Variants in CELF2 observed in about 807,000 individuals in gnomAD.
CELF2 encodes the protein CUGBP Elav-like family member 2.
CELF2 carries 8 observed loss-of-function variants against 62.6 expected under a neutral mutation model. The observed-to-expected ratio is 0.13, with a 90% CI of 0.07 to 0.23. CELF2 has a LOEUF of 0.23. Among genes scored for constraint, CELF2 ranks in the 10% least tolerant of loss-of-function variants. CELF2 has a pLI of 1.00. For missense variants in CELF2, 333 were observed against 671.0 expected, an observed-to-expected ratio of 0.50 and a Z score of 5.56; for synonymous variants, 258 against 250.0, an observed-to-expected ratio of 1.03 and a Z score of -0.30.
At chr10:11,129,647 T>C (rs1442696494) in intron 1 of CELF2, among the ~76,000 whole-genome samples, 1 of 152,212 alleles carries the variant, frequency 6.6e-6, no homozygotes, top group East Asian at 1.9e-4. Context: ...TCTTCTAGAT[T>C]TTCTAGTTTG....
At chr10:10,907,016 C>T (rs986169972) in intron 1 of CELF2, among the ~76,000 whole-genome samples, 2 of 152,120 alleles carry the variant, frequency 1.3e-5, no homozygotes, top group Non-Finnish European at 2.9e-5. Context: ...GAGAACGTAC[C>T]TTTCTAACAT....
chr10:10,697,898 T>C, the CELF2 span, among the ~76,000 whole-genome samples: 1 of 152,176 alleles, frequency 6.6e-6, no homozygotes, highest in South Asian at 2.1e-4. Context: ...CTTCAAGGAA[T>C]TCTCCCACTT....
the CELF2 span, among the ~76,000 whole-genome samples, chr10:10,624,886 T>C: frequency 7.9e-5 from 12 of 152,222 alleles, no homozygotes; most frequent in South Asian, 4.1e-4. Flanking sequence ...AAGAGGCAGA[T>C]GGCAGGAGGA....
chr10:10,509,649 C>A, the CELF2 span, among the ~76,000 whole-genome samples: 1 of 152,304 alleles, frequency 6.6e-6, no homozygotes, highest in East Asian at 1.9e-4. Flanking sequence ...TCCCAGCCTG[C>A]CCCAGGAAGA....
chr10:11,242,915 G>A lies in CELF2; in HGVS notation c.355-6238G>A, dbSNP rs2074406810. ...CCACCAACAGATGGCTCCTACCAGGGCGACAGGGACGGAGGCGCCGGTGGC... is the reference window on the plus strand; with the variant it reads ...CCACCAACAGATGGCTCCTACCAGGACGACAGGGACGGAGGCGCCGGTGGC... On this transcript the variant is annotated intron_variant, in intron 3 of 12. Transcript: ENST00000633077. The surrounding 1 kb of genome is among the most constrained non-coding windows in gnomAD (Gnocchi z 4.8). Among the ~76,000 whole-genome samples, 1 of 152,208 alleles carries A rather than the reference G, an allele frequency of 6.6e-6. No homozygotes were observed. Among genetic ancestry groups the A allele is most frequent in the Admixed American group, 6.5e-5 (1 of 15,280 alleles).
At position 11,329,441 on chromosome 10, in the gene CELF2, T is replaced by C. The variant is rs1332248067; in HGVS notation, c.*388T>C. The C allele has an allele frequency of 6.5e-6, 1 of 153,256 alleles. No homozygotes were observed. The highest frequency in any genetic ancestry group is 1.5e-5 in the Non-Finnish European group (1 of 68,442). 9.5% of individuals were successfully genotyped at this position (153,256 alleles called of 1,614,324 possible). A position where few individuals can be genotyped will look rare whatever the true frequency, so the allele number is the denominator to read the frequency against. ...ACAAACAAACGCTAATGTGCAATTC[T>C]AACTCTGAAACCACTGGTGCCCCGA... On this transcript the variant is annotated 3_prime_UTR_variant, in exon 13 of 13. Transcript: ENST00000633077. This position sits in a 1 kb window ranked among gnomAD's most constrained non-coding sequence, Gnocchi z 5.5.
In CELF2 at chr10:11,315,658, G is replaced by A. The variant is rs962332773; in HGVS notation, c.1096+1400G>A. On this transcript the variant is annotated intron_variant, in intron 10 of 12. Transcript: ENST00000633077. The surrounding 1 kb of genome is among the most constrained non-coding windows in gnomAD (Gnocchi z 5.8). Reference sequence around the variant, plus strand: ...GCTGACCATACCTCCCAAATGGGACGGCTCGTGATTAGCGTGGAGCCCGTG... The same window carrying A: ...GCTGACCATACCTCCCAAATGGGACAGCTCGTGATTAGCGTGGAGCCCGTG... Among the ~76,000 whole-genome samples, 2 of 152,172 alleles carry A rather than the reference G, an allele frequency of 1.3e-5. No homozygotes were observed. The highest frequency in any genetic ancestry group is 2.4e-5 in the African/African-American group (1 of 41,444).
At chr10:10,746,809 A>G in the CELF2 span, among the ~76,000 whole-genome samples, 147 of 152,336 alleles carry the variant, frequency 9.6e-4, 1 homozygote, top group African/African-American at 3.2e-3. Context: ...GAATGTACCA[A>G]AAATAGATAA....
the CELF2 span, among the ~76,000 whole-genome samples, chr10:10,741,285 G>A: frequency 6.6e-6 from 1 of 151,986 alleles, no homozygotes; most frequent in Non-Finnish European, 1.5e-5. Context: ...GGCCGAGGCA[G>A]GCAGATCACG....
chr10:11,146,376 C>A (rs1318641632), intron 1 of CELF2, among the ~76,000 whole-genome samples: 2 of 152,314 alleles, frequency 1.3e-5, no homozygotes, highest in African/African-American at 2.4e-5. Flanking sequence ...TATCTCTACA[C>A]GTATCTTAAA....
chr10:10,961,950 C>T (rs1354338680), intron 2 of CELF2, among the ~76,000 whole-genome samples: 2 of 151,776 alleles, frequency 1.3e-5, no homozygotes, highest in African/African-American at 4.8e-5. Context: ...CTCTTACAGC[C>T]AGGTGCGGTG....
chr10:10,611,891 T>A, the CELF2 span, among the ~76,000 whole-genome samples: 3 of 152,212 alleles, frequency 2.0e-5, no homozygotes, highest in Non-Finnish European at 4.4e-5. Flanking sequence ...CCTTTATTAC[T>A]AGGGAGAGGG....
chr10:10,469,686 T>A, the CELF2 span, among the ~76,000 whole-genome samples: 2 of 151,942 alleles, frequency 1.3e-5, no homozygotes. Context: ...TCCTTCCTTC[T>A]CTGTTTTATG....
chr10:10,835,798 G>T (rs2132366414), intron 1 of CELF2, among the ~76,000 whole-genome samples: 1 of 152,318 alleles, frequency 6.6e-6, no homozygotes, highest in Non-Finnish European at 1.5e-5. Context: ...TTTCATGGGG[G>T]ACACAGACAA....
intron 1 of CELF2, among the ~76,000 whole-genome samples, chr10:11,099,593 G>A (rs899197414): frequency 6.6e-5 from 10 of 152,168 alleles, no homozygotes; most frequent in African/African-American, 2.4e-4. Context: ...CTGATGAGTT[G>A]TGGCAGCATT....
chr10:10,865,284 A>C (rs992308990), intron 1 of CELF2, among the ~76,000 whole-genome samples: 1 of 152,234 alleles, frequency 6.6e-6, no homozygotes, highest in African/African-American at 2.4e-5. Context: ...AAAATGTCAC[A>C]AAACAGAGTT....
At chr10:10,532,821 C>T in the CELF2 span, among the ~76,000 whole-genome samples, 2 of 147,150 alleles carry the variant, frequency 1.4e-5, no homozygotes, top group Non-Finnish European at 3.0e-5. Flanking sequence ...AGATTAAATG[C>T]TAAAATGATA....
chr10:11,166,342 T>G (rs1432466017), intron 2 of CELF2, among the ~76,000 whole-genome samples: 1 of 152,146 alleles, frequency 6.6e-6, no homozygotes, highest in Non-Finnish European at 1.5e-5. Context: ...AGGTATAGGA[T>G]CTGGTAGTTG....
chr10:10,645,899 A>G, the CELF2 span, among the ~76,000 whole-genome samples: 2 of 152,332 alleles, frequency 1.3e-5, no homozygotes, highest in East Asian at 3.9e-4. Flanking sequence ...GACATAGGGT[A>G]ACTCGTTCTG....
Sources: allele counts gnomAD v4.1 joint callset (sites outside exome capture counted in the v4.1 genomes callset), GRCh38; gene constraint gnomAD v4.1.1; non-coding constraint Gnocchi (gnomAD v3.1); transcripts MANE v1.5; gene names NCBI Gene and HGNC (gene_info 2026-07-23, HGNC 2026-07-21).